DNER: variants seen among roughly 807,000 people sequenced by gnomAD.
The protein encoded by DNER is delta/notch like EGF repeat containing, also known as delta and Notch-like epidermal growth factor-related receptor.
In DNER, 33 loss-of-function variants were observed where a neutral mutation model predicts 78.2. The ratio of observed to expected loss-of-function variants is 0.42; its 90% confidence interval spans 0.32 to 0.56. The LOEUF is 0.56. Ranked by LOEUF, DNER falls within the 20% of genes least tolerant of loss-of-function variation. The probability of loss-of-function intolerance (pLI) is 0.11; values close to 1 mark genes in which losing one functional copy is unlikely to be tolerated. For synonymous variants in DNER, 417 were observed against 384.8 expected, an observed-to-expected ratio of 1.08 and a Z score of -0.98; for missense variants, 918 against 975.3, an observed-to-expected ratio of 0.94 and a Z score of 0.78.
intron 1 of DNER, among the ~76,000 whole-genome samples, chr2:229,709,521 G>T (rs1699880193): frequency 6.6e-6 from 1 of 152,136 alleles, no homozygotes; most frequent in African/African-American, 2.4e-5. Flanking sequence ...CAGTAACAAA[G>T]ACTGATGTAG....
intron 1 of DNER, among the ~76,000 whole-genome samples, chr2:229,614,073 TG>T (rs570858354): frequency 0.015 from 2,336 of 151,850 alleles, 30 homozygotes; most frequent in Middle Eastern, 0.031. Context: ...ATATACCTAA[TG>T]CTAAATGACG....
intron 6 of DNER, among the ~76,000 whole-genome samples, chr2:229,503,055 C>T (rs964277365): frequency 7.9e-5 from 12 of 152,328 alleles, no homozygotes; most frequent in African/African-American, 2.9e-4. Context: ...TTTTTCTCCA[C>T]TACCTGATAC....
Position 229,677,313 on chromosome 2 carries a change from A to G in DNER, c.276+36835T>C, listed in dbSNP as rs76130500. On this transcript the variant is annotated intron_variant, in intron 1 of 12. Transcript: ENST00000341772. Reference sequence around the variant, plus strand: ...GTGCCATCTCCACCCAACATCAGACACTTCACTTCTGTCTTCCCACCATAT... The same window carrying G: ...GTGCCATCTCCACCCAACATCAGACGCTTCACTTCTGTCTTCCCACCATAT... 4.3e-4 allele frequency among the ~76,000 whole-genome samples: 66 copies of G among 152,272 alleles called. 1 individual carries two copies. The East Asian group carries it at 0.012, about 28-fold the overall frequency.
intron 12 of DNER, among the ~76,000 whole-genome samples, chr2:229,365,160 A>G (rs1221215260): frequency 2.6e-5 from 4 of 152,208 alleles, no homozygotes; most frequent in Non-Finnish European, 5.9e-5. Context: ...AGAAACACAG[A>G]ACCCATTGAT....
chr2:229,614,942 C>G (rs1298673687), intron 1 of DNER, among the ~76,000 whole-genome samples: 1 of 152,204 alleles, frequency 6.6e-6, no homozygotes, highest in African/African-American at 2.4e-5. Context: ...GGATTAGGAA[C>G]TAATCTACGA....
At position 229,591,771 on chromosome 2, in the gene DNER, A is replaced by T; in HGVS notation, c.394T>A (p.Cys132Ser). 1 of 1,614,166 alleles carries T rather than the reference A, an allele frequency of 6.2e-7. No individual in the cohort carries two copies. The highest frequency in any genetic ancestry group is 8.5e-7 in the Non-Finnish European group (1 of 1,180,018). ...ICNEGYEGPN[C>S]EQALPSLPAT... ...GGGAGACTGGGAAGTGCCTGTTCAC[A>T]GTTGGGACCTTCATAGCCTTCATTG... The change falls in exon 2 of 13, where the codon TGT (cysteine) becomes AGT (serine). Residue 132 changes from cysteine to serine, a missense_variant. Physicochemically the swap from Cys to Ser is moderately radical, Grantham distance 112. Transcript: ENST00000341772. This position sits in a 1 kb window ranked among gnomAD's most constrained non-coding sequence, Gnocchi z 4.6.
At chr2:229,549,592 T>G (rs1696690391) in intron 4 of DNER, among the ~76,000 whole-genome samples, 1 of 151,652 alleles carries the variant, frequency 6.6e-6, no homozygotes, top group Non-Finnish European at 1.5e-5. Context: ...AGCCACCACA[T>G]CCAGCCTATA....
chr2:229,632,328 C>T (rs1260729192), intron 1 of DNER, among the ~76,000 whole-genome samples: 1 of 152,162 alleles, frequency 6.6e-6, no homozygotes, highest in Non-Finnish European at 1.5e-5. Context: ...CTGACACATT[C>T]AATCTAAAGC....
chr2:229,367,445 A>G (rs887479561), intron 11 of DNER, among the ~76,000 whole-genome samples: 2 of 152,088 alleles, frequency 1.3e-5, no homozygotes, highest in African/African-American at 4.8e-5. Context: ...TACTAAAAAT[A>G]CAAACATTAG....
chr2:229,504,572 C>A (rs1040781814), intron 6 of DNER, among the ~76,000 whole-genome samples: 14 of 152,320 alleles, frequency 9.2e-5, no homozygotes, highest in African/African-American at 3.4e-4. Context: ...ATGTTCAGAA[C>A]TAAACTCATT....
intron 5 of DNER, among the ~76,000 whole-genome samples, chr2:229,526,458 C>T (rs1397706919): frequency 6.6e-6 from 1 of 152,222 alleles, no homozygotes; most frequent in Non-Finnish European, 1.5e-5. Flanking sequence ...CCTAGAGCAG[C>T]AGTCCCCAAC....
At chr2:229,535,844 A>G (rs1696393418) in intron 5 of DNER, among the ~76,000 whole-genome samples, 1 of 152,096 alleles carries the variant, frequency 6.6e-6, no homozygotes, top group Non-Finnish European at 1.5e-5. Flanking sequence ...GGGTTTCACC[A>G]TGTTGGCCAG....
intron 12 of DNER, among the ~76,000 whole-genome samples, chr2:229,364,927 T>C (rs1273378779): frequency 6.9e-6 from 1 of 144,094 alleles, no homozygotes; most frequent in South Asian, 2.2e-4. Flanking sequence ...CTCAGCTCAC[T>C]GCAACCTCCA....
In DNER at chr2:229,543,907, T is replaced by C. The variant is rs111505992; in HGVS notation, c.993+3040A>G. On this transcript the variant is annotated intron_variant, in intron 5 of 12. Transcript: ENST00000341772. ...TATGCATCTTTCCAATTCTTGCCCC[T>C]TTTGCTTCTCTATAAAATTCCTCCT... Among the ~76,000 whole-genome samples, 454 of 152,300 alleles carry C rather than the reference T, an allele frequency of 3.0e-3. 4 individuals carry two copies. The highest frequency in any genetic ancestry group is 0.01 in the African/African-American group (420 of 41,568).
chr2:229,710,224 G>A (rs1440085114), intron 1 of DNER, among the ~76,000 whole-genome samples: 1 of 152,146 alleles, frequency 6.6e-6, no homozygotes, highest in African/African-American at 2.4e-5. Context: ...CTCATTTAGA[G>A]CAAGACTGGA....
intron 1 of DNER, among the ~76,000 whole-genome samples, chr2:229,594,526 G>A (rs1054414644): frequency 6.6e-6 from 1 of 152,056 alleles, no homozygotes; most frequent in African/African-American, 2.4e-5. Context: ...GGCAGAGGTT[G>A]CAGTGAGCCA....
intron 1 of DNER, among the ~76,000 whole-genome samples, chr2:229,613,566 C>G (rs1161849721): frequency 1.3e-5 from 2 of 151,800 alleles, no homozygotes; most frequent in Admixed American, 6.6e-5. Flanking sequence ...GTTCACAAAC[C>G]ACAAACATAA....
intron 8 of DNER, among the ~76,000 whole-genome samples, chr2:229,421,283 A>AAT (rs1328863166): frequency 6.6e-6 from 1 of 152,154 alleles, no homozygotes; most frequent in Non-Finnish European, 1.5e-5. Flanking sequence ...AAGGGGAAAA[A>AAT]TGGAGAGCTG....
chr2:229,390,064 C>A (rs1385939593), intron 10 of DNER, among the ~76,000 whole-genome samples: 2 of 152,182 alleles, frequency 1.3e-5, no homozygotes, highest in African/African-American at 4.8e-5. Context: ...CAGGAACATG[C>A]TGAGAAATGT....
Sources: gnomAD v4.1 joint callset for allele counts (sites outside exome capture counted in the v4.1 genomes callset) on GRCh38, gnomAD v4.1.1 for gene constraint, Gnocchi (gnomAD v3.1) non-coding constraint, MANE v1.5 for transcripts, NCBI Gene and HGNC (gene_info 2026-07-23, HGNC 2026-07-21) for gene names.